Variants in FOXP1 observed in about 807,000 individuals in gnomAD.
FOXP1 encodes forkhead box P1.
Under a neutral mutation model 98.2 loss-of-function variants are expected in FOXP1, and 15 were observed. The ratio of observed to expected loss-of-function variants is 0.15; its 90% CI spans 0.10 to 0.24. The LOEUF (loss-of-function observed/expected upper bound fraction) is 0.24, where lower values mean the gene tolerates loss of function less well. Among genes scored for constraint, FOXP1 ranks in the 10% least tolerant of loss-of-function variants. The pLI is 1.00. For synonymous variants in FOXP1, 371 were observed against 314.5 expected, an observed-to-expected ratio of 1.18 and a Z score of -1.90; for missense variants, 633 against 848.5, an observed-to-expected ratio of 0.75 and a Z score of 3.15.
chr3:71,018,744 C>T (rs371185119), intron 11 of FOXP1, among the ~76,000 whole-genome samples: 1 of 152,150 alleles, frequency 6.6e-6, no homozygotes, highest in Non-Finnish European at 1.5e-5. Flanking sequence ...ACAACTGTTG[C>T]CTCTGGGGAG....
chr3:71,229,707 AT>A (rs1217583193), intron 5 of FOXP1, among the ~76,000 whole-genome samples: 1 of 152,094 alleles, frequency 6.6e-6, no homozygotes, highest in Non-Finnish European at 1.5e-5. Context: ...TTTCTAGTCA[AT>A]GTCAAGAATG....
intron 7 of FOXP1, among the ~76,000 whole-genome samples, chr3:71,085,731 T>C (rs2054980603): frequency 8.1e-6 from 1 of 123,092 alleles, no homozygotes; most frequent in Non-Finnish European, 1.7e-5. Context: ...GTATCATTTA[T>C]GGCCTTTTTT....
chr3:71,506,719 T>C (rs2041851212), intron 2 of FOXP1, among the ~76,000 whole-genome samples: 3 of 152,136 alleles, frequency 2.0e-5, no homozygotes, highest in African/African-American at 7.2e-5. Context: ...GCCCTTGACT[T>C]AGGCTCAGTG....
rs998808648 is a variant in FOXP1, at chr3:71,197,791, T to C, written c.180+411A>G. On this transcript the variant is annotated intron_variant, in intron 6 of 20. Transcript: ENST00000649528. Reference sequence around the variant, plus strand: ...TCCTTACTCATCTACTCTTTTTCTCTCTTTTATTCCTTAGCTCTTATTTCC... The same window carrying C: ...TCCTTACTCATCTACTCTTTTTCTCCCTTTTATTCCTTAGCTCTTATTTCC... The C allele has an allele frequency of 1.7e-5, 21 of 1,253,552 alleles. No individual in the cohort carries two copies. In the African/African-American group the frequency reaches 2.7e-4, roughly 16 times the overall value. 77.7% of individuals were successfully genotyped at this position (1,253,552 alleles called of 1,614,324 possible).
chr3:71,403,709 A>G (rs9840310), intron 3 of FOXP1, among the ~76,000 whole-genome samples: 103,727 of 151,926 alleles, frequency 0.68, 36,653 homozygotes, highest in Non-Finnish European at 0.74. Context: ...AAAATAGCCC[A>G]ATGTGGTGGC....
At chr3:71,121,917 G>T (rs535031777) in intron 6 of FOXP1, among the ~76,000 whole-genome samples, 1 of 149,118 alleles carries the variant, frequency 6.7e-6, no homozygotes, top group Admixed American at 6.6e-5. Context: ...TGAATCAAAA[G>T]GCTCTATTAA....
chr3:71,513,603 G>C (rs901889306), intron 2 of FOXP1, among the ~76,000 whole-genome samples: 1 of 152,168 alleles, frequency 6.6e-6, no homozygotes, highest in African/African-American at 2.4e-5. Context: ...TCTCGCACCA[G>C]AACTGTGTGA....
At chr3:71,242,123 A>G (rs1395544078) in intron 5 of FOXP1, among the ~76,000 whole-genome samples, 2 of 152,232 alleles carry the variant, frequency 1.3e-5, no homozygotes. Context: ...TTCTACTTGC[A>G]GCAATGATAA....
chr3:70,976,887 A>G (rs1053447207), intron 17 of FOXP1, 54 bp downstream of exon 17: 10 of 1,311,826 alleles, frequency 7.6e-6, no homozygotes, highest in Middle Eastern at 1.8e-4. Flanking sequence ...TATCAACAAC[A>G]AACTGTTCTA....
At chr3:71,175,012 A>G (rs2061861134) in intron 6 of FOXP1, among the ~76,000 whole-genome samples, 1 of 151,482 alleles carries the variant, frequency 6.6e-6, no homozygotes, top group South Asian at 2.1e-4. Flanking sequence ...CCCCGGGTTC[A>G]AGCCATTCTC....
intron 5 of FOXP1, among the ~76,000 whole-genome samples, chr3:71,247,747 T>C (rs2067865755): frequency 6.6e-6 from 1 of 152,194 alleles, no homozygotes; most frequent in Non-Finnish European, 1.5e-5. Context: ...TCAGTCCTAA[T>C]GGTTCACAGG....
intron 2 of FOXP1, among the ~76,000 whole-genome samples, chr3:71,531,180 C>T (rs1456338597): frequency 6.6e-6 from 1 of 152,222 alleles, no homozygotes; most frequent in Non-Finnish European, 1.5e-5. Context: ...GGGCTCAGTG[C>T]AATGCTCAGG....
At chr3:71,314,530 A>ATATATAT (rs1553839965) in intron 4 of FOXP1, among the ~76,000 whole-genome samples, 4,064 of 143,164 alleles carry the variant, frequency 0.028, 53 homozygotes, top group South Asian at 0.038. Flanking sequence ...CCGTCTAAAA[A>ATATATAT]ATATATATAT....
At chr3:71,287,605 C>A (rs1560245642) in intron 5 of FOXP1, among the ~76,000 whole-genome samples, 1 of 151,930 alleles carries the variant, frequency 6.6e-6, no homozygotes, top group Non-Finnish European at 1.5e-5. Context: ...CATGGCGAAA[C>A]CCTGTCTCTA....
chr3:71,525,417 G>A (rs1458057587), intron 2 of FOXP1, among the ~76,000 whole-genome samples: 2 of 152,162 alleles, frequency 1.3e-5, no homozygotes, highest in Admixed American at 6.5e-5. Flanking sequence ...TCACTGGCTG[G>A]GCAATCGCTG....
chr3:71,582,378 G>GCCGCCA (rs1370441658), intron 1 of FOXP1: 28 of 978,018 alleles, frequency 2.9e-5, no homozygotes, highest in Non-Finnish European at 3.3e-5. Flanking sequence ...TCCCGGCGCC[G>GCCGCCA]CCGCCACCGC....
intron 7 of FOXP1, among the ~76,000 whole-genome samples, chr3:71,096,737 G>A (rs996464285): frequency 6.6e-6 from 1 of 152,168 alleles, no homozygotes; most frequent in Non-Finnish European, 1.5e-5. Flanking sequence ...AATACAATCA[G>A]ATATATTATG....
chr3:71,405,550 C>G (rs1434638721), intron 3 of FOXP1, among the ~76,000 whole-genome samples: 1 of 152,066 alleles, frequency 6.6e-6, no homozygotes. Flanking sequence ...CAGATGTTGG[C>G]TAGGAGGCCA....
chr3:71,169,385 A>C (rs950466623), intron 6 of FOXP1, among the ~76,000 whole-genome samples: 1 of 152,128 alleles, frequency 6.6e-6, no homozygotes. Flanking sequence ...ATGGTCATAA[A>C]TATTTCTTTC....
Sources: gnomAD v4.1 joint callset for allele counts (sites outside exome capture counted in the v4.1 genomes callset) on GRCh38, gnomAD v4.1.1 for gene constraint, MANE v1.5 for transcripts, NCBI Gene and HGNC (gene_info 2026-07-23, HGNC 2026-07-21) for gene names.